HYAL4: variants seen among roughly 807,000 people sequenced by gnomAD.
The protein encoded by HYAL4 is hyaluronidase-4.
HYAL4 carries 37 observed loss-of-function variants against 35.2 expected under a neutral mutation model. The ratio of observed to expected loss-of-function variants is 1.05; its 90% CI spans 0.81 to 1.38. The LOEUF (loss-of-function observed/expected upper bound fraction) is 1.38. Among genes scored for constraint, HYAL4 ranks in the 40% most tolerant of loss-of-function variants. HYAL4 has a pLI of 0.00. For missense variants in HYAL4, 572 were observed against 572.4 expected (o/e 1.00, Z 0.01); for synonymous variants, 198 against 203.2 (o/e 0.97, Z 0.22).
chr7:123,798,437 A>T, the HYAL4 span, among the ~76,000 whole-genome samples: 1 of 152,194 alleles, frequency 6.6e-6, no homozygotes, highest in African/African-American at 2.4e-5. Context: ...ACCATAATTT[A>T]GCCCTAAATA....
At chr7:123,797,791 T>G in the HYAL4 span, among the ~76,000 whole-genome samples, 3 of 152,188 alleles carry the variant, frequency 2.0e-5, no homozygotes, top group African/African-American at 7.2e-5. Flanking sequence ...TTCATACAAG[T>G]AGCTATCAAT....
the HYAL4 span, among the ~76,000 whole-genome samples, chr7:123,799,070 A>G: frequency 6.6e-6 from 1 of 152,268 alleles, no homozygotes; most frequent in Non-Finnish European, 1.5e-5. Context: ...AAGCAGGGAA[A>G]CTTGTAAGAG....
intron 1 of HYAL4, among the ~76,000 whole-genome samples, chr7:123,838,375 T>G (rs2116913044): frequency 6.6e-6 from 1 of 152,140 alleles, no homozygotes; most frequent in Middle Eastern, 3.4e-3. Context: ...AAACTACTAT[T>G]ACATAATTAA....
At chr7:123,804,191 T>C in the HYAL4 span, among the ~76,000 whole-genome samples, 1 of 152,212 alleles carries the variant, frequency 6.6e-6, no homozygotes, top group Non-Finnish European at 1.5e-5. Flanking sequence ...ATATATAGTG[T>C]GACACTGTTT....
chr7:123,845,803 G>T (rs956777835), intron 1 of HYAL4, 118 bp downstream of exon 1: 1 of 152,154 alleles, frequency 6.6e-6, no homozygotes, highest in Non-Finnish European at 1.5e-5. Context: ...ATGGTATAGG[G>T]CTCAAGGCTG....
the HYAL4 span, among the ~76,000 whole-genome samples, chr7:123,776,089 A>G: frequency 6.6e-6 from 1 of 152,248 alleles, no homozygotes; most frequent in Non-Finnish European, 1.5e-5. Context: ...GAAAATGTCT[A>G]CTGCATAAAG....
chr7:123,810,584 C>T, the HYAL4 span, among the ~76,000 whole-genome samples: 1 of 152,134 alleles, frequency 6.6e-6, no homozygotes, highest in Non-Finnish European at 1.5e-5. Context: ...CTCCCTTCTC[C>T]CTGACATCAC....
chr7:123,785,992 T>A, the HYAL4 span, among the ~76,000 whole-genome samples: 1 of 151,502 alleles, frequency 6.6e-6, no homozygotes. The surrounding 1 kb of genome is among the most constrained non-coding windows in gnomAD (Gnocchi z 4.5). Context: ...CAACTACAAC[T>A]CCTTGCTAGA....
At chr7:123,770,807 A>G in the HYAL4 span, among the ~76,000 whole-genome samples, 1 of 152,190 alleles carries the variant, frequency 6.6e-6, no homozygotes, top group African/African-American at 2.4e-5. Context: ...TTTATATATG[A>G]CATATGCTTA....
At chr7:123,811,530 T>A in the HYAL4 span, among the ~76,000 whole-genome samples, 2 of 152,346 alleles carry the variant, frequency 1.3e-5, no homozygotes, top group African/African-American at 4.8e-5. Context: ...AATCTGTTGT[T>A]CATTTTCTTG....
the HYAL4 span, among the ~76,000 whole-genome samples, chr7:123,770,133 T>G: frequency 7.2e-5 from 11 of 152,136 alleles, no homozygotes; most frequent in Non-Finnish European, 1.5e-4. Flanking sequence ...GAAAAGTTTG[T>G]CACTGATGGT....
At chr7:123,870,761 A>G (rs1167104192) in intron 3 of HYAL4, among the ~76,000 whole-genome samples, 2 of 145,856 alleles carry the variant, frequency 1.4e-5, no homozygotes, top group Admixed American at 6.8e-5. Flanking sequence ...CTCCATCTCA[A>G]AAAAAAAAAA....
At chr7:123,818,957 C>T in the HYAL4 span, among the ~76,000 whole-genome samples, 15 of 152,214 alleles carry the variant, frequency 9.9e-5, no homozygotes, top group South Asian at 2.5e-3. Flanking sequence ...AATATCCACT[C>T]TCTCAGCATT....
At chr7:123,788,419 A>G in the HYAL4 span, among the ~76,000 whole-genome samples, 4 of 152,242 alleles carry the variant, frequency 2.6e-5, no homozygotes, top group African/African-American at 9.6e-5. Context: ...CTGTTCTTCA[A>G]CCATAACATC....
intron 4 of HYAL4, chr7:123,875,993 A>G (rs1389723346): frequency 2.2e-6 from 1 of 456,544 alleles, no homozygotes. Flanking sequence ...AGAATTAGGT[A>G]GAAACTGAGA....
At chr7:123,862,117 G>C (rs971329500) in intron 2 of HYAL4, among the ~76,000 whole-genome samples, 3 of 152,058 alleles carry the variant, frequency 2.0e-5, no homozygotes, top group Admixed American at 6.6e-5. Context: ...TTAGAAAATA[G>C]GTTGGCAATT....
At chr7:123,798,076 A>G in the HYAL4 span, among the ~76,000 whole-genome samples, 1 of 152,142 alleles carries the variant, frequency 6.6e-6, no homozygotes. Flanking sequence ...GGAAATTTTT[A>G]TATTGTTTTA....
At chr7:123,790,845 A>G in the HYAL4 span, 4 of 151,936 alleles carry the variant, frequency 2.6e-5, no homozygotes, top group Non-Finnish European at 5.9e-5. Context: ...GCTCACTGCA[A>G]CCGCTGCCCC....
At chr7:123,794,308 C>A in the HYAL4 span, among the ~76,000 whole-genome samples, 12 of 152,260 alleles carry the variant, frequency 7.9e-5, no homozygotes, top group African/African-American at 2.9e-4. Context: ...AAAGGAAAAC[C>A]CATTTTCTGT....
Sources: allele counts gnomAD v4.1 joint callset (sites outside exome capture counted in the v4.1 genomes callset), GRCh38; gene constraint gnomAD v4.1.1; non-coding constraint Gnocchi (gnomAD v3.1); transcripts MANE v1.5; gene names NCBI Gene and HGNC (gene_info 2026-07-23, HGNC 2026-07-21).